Variants in SPPL2A observed in about 807,000 individuals in gnomAD.
SPPL2A encodes signal peptide peptidase like 2A, also known as signal peptide peptidase-like 2A.
SPPL2A carries 51 observed loss-of-function variants against 63.8 expected under a neutral mutation model. That is an observed-to-expected ratio of 0.80 (90% CI 0.64 to 1.01). The LOEUF is 1.01. SPPL2A is among the 50% of genes least tolerant of loss of function. The probability of loss-of-function intolerance (pLI) is 0.00; values close to 1 mark genes in which losing one functional copy is unlikely to be tolerated. For synonymous variants in SPPL2A, 188 were observed against 205.8 expected, an observed-to-expected ratio of 0.91 and a Z score of 0.74; for missense variants, 553 against 622.7, an observed-to-expected ratio of 0.89 and a Z score of 1.19.
At chr15:50,714,574 T>C (rs962743415) in intron 14 of SPPL2A, among the ~76,000 whole-genome samples, 1 of 146,480 alleles carries the variant, frequency 6.8e-6, no homozygotes, top group East Asian at 2.0e-4. Flanking sequence ...GAGGTTGCAA[T>C]GAGCAAAGAT....
intron 14 of SPPL2A, among the ~76,000 whole-genome samples, chr15:50,717,348 C>CT (rs2062606193): frequency 6.6e-6 from 1 of 151,812 alleles, no homozygotes; most frequent in African/African-American, 2.4e-5. Context: ...CAAATTTTTT[C>CT]TTTTTTGTAG....
intron 14 of SPPL2A, among the ~76,000 whole-genome samples, chr15:50,712,683 T>C (rs1408411828): frequency 8.1e-6 from 1 of 123,294 alleles, no homozygotes; most frequent in African/African-American, 2.9e-5. Context: ...CCCCCCCTTT[T>C]TTTTTTTTTT....
In SPPL2A at chr15:50,702,414, A is replaced by G. The variant is rs1596370165; in HGVS notation, c.*5386T>C. On this transcript the variant is annotated 3_prime_UTR_variant, in exon 15 of 15. Transcript: ENST00000261854. The stretch of plus-strand genomic sequence containing the variant: ...ATTTTAAAACATTCCATAAAAATAT[A>G]AAGCCTAGTAGTGTTATAAAAGTAT... 6.6e-6 allele frequency: 1 copy of G among 152,358 alleles called. No individual in the cohort carries two copies. The highest frequency in any genetic ancestry group is 2.1e-4 in the South Asian group (1 of 4,830). 9.4% of individuals were successfully genotyped at this position (152,358 alleles called of 1,614,324 possible). A position where few individuals can be genotyped will look rare whatever the true frequency, so the allele number is the denominator to read the frequency against.
rs1316925886 is a variant in SPPL2A, at chr15:50,702,867, A to C, written c.*4933T>G. 1 of 151,842 alleles carries C rather than the reference A, an allele frequency of 6.6e-6. No individual in the cohort carries two copies. Among genetic ancestry groups the C allele is most frequent in the Admixed American group, 6.6e-5 (1 of 15,246 alleles). The allele number at this position is 151,842 out of a possible 1,614,324, so 9.4% of individuals were successfully genotyped here. A position where few individuals can be genotyped will look rare whatever the true frequency, so the allele number is the denominator to read the frequency against. On this transcript the variant is annotated 3_prime_UTR_variant, in exon 15 of 15. Coordinates refer to ENST00000261854, the MANE Select transcript of SPPL2A (RefSeq NM_032802.4). Reference sequence around the variant, plus strand: ...TTAAACGAGGACATTTATACTTATGATCTTCACTATAATATGGCCTATATA... The same window carrying C: ...TTAAACGAGGACATTTATACTTATGCTCTTCACTATAATATGGCCTATATA...
chr15:50,728,589 G>A (rs62018803), intron 10 of SPPL2A, among the ~76,000 whole-genome samples: 5,217 of 150,978 alleles, frequency 0.035, 114 homozygotes, highest in Middle Eastern at 0.1. Context: ...CTCGTGATCC[G>A]CCCACCTTGG....
rs545768968 is a variant in SPPL2A, at chr15:50,706,944, C to T, written c.*856G>A. The T allele has an allele frequency of 6.6e-6, 1 of 152,118 alleles. No individual in the cohort carries two copies. The highest frequency in any genetic ancestry group is 1.5e-5 in the Non-Finnish European group (1 of 68,006). The allele number at this position is 152,118 out of a possible 1,614,324, so 9.4% of individuals were successfully genotyped here. A position where few individuals can be genotyped will look rare whatever the true frequency, so the allele number is the denominator to read the frequency against. On this transcript the variant is annotated 3_prime_UTR_variant, in exon 15 of 15. Transcript: ENST00000261854. ...ATACACGTGCAGTCTGAAGTAATTTCAGTTCTCAAGTTTATGAAAGGATTG... is the reference window on the plus strand; with the variant it reads ...ATACACGTGCAGTCTGAAGTAATTTTAGTTCTCAAGTTTATGAAAGGATTG...
chr15:50,760,604 G>A (rs554820909), intron 1 of SPPL2A, among the ~76,000 whole-genome samples: 2 of 151,968 alleles, frequency 1.3e-5, no homozygotes, highest in South Asian at 2.1e-4. Context: ...TGAGGGTCCC[G>A]TCTTCATGAG....
chr15:50,711,404 T>G (rs745618770), intron 14 of SPPL2A, among the ~76,000 whole-genome samples: 3 of 152,140 alleles, frequency 2.0e-5, no homozygotes, highest in Non-Finnish European at 4.4e-5. Flanking sequence ...AGAGATGGGA[T>G]TTCACTATGT....
intron 14 of SPPL2A, among the ~76,000 whole-genome samples, chr15:50,710,867 T>C (rs1045321322): frequency 6.6e-6 from 1 of 152,222 alleles, no homozygotes; most frequent in Non-Finnish European, 1.5e-5. Context: ...GAAAACTTAC[T>C]ACCTGCCCAG....
At chr15:50,760,510 C>T (rs1039003478) in intron 1 of SPPL2A, among the ~76,000 whole-genome samples, 2 of 152,164 alleles carry the variant, frequency 1.3e-5, no homozygotes, top group Non-Finnish European at 2.9e-5. Flanking sequence ...CTGCCTGCCT[C>T]AGCCTCCCAA....
intron 1 of SPPL2A, among the ~76,000 whole-genome samples, chr15:50,756,946 T>C (rs1436451135): frequency 6.6e-6 from 1 of 152,092 alleles, no homozygotes; most frequent in African/African-American, 2.4e-5. Context: ...TGCCCAACCA[T>C]CACACTCCAG....
intron 1 of SPPL2A, among the ~76,000 whole-genome samples, chr15:50,752,966 C>T (rs181658323): frequency 6.6e-6 from 1 of 152,120 alleles, no homozygotes; most frequent in Admixed American, 6.5e-5. Flanking sequence ...AATTGTAATA[C>T]ATAGAATCTT....
In SPPL2A at chr15:50,707,366, C is replaced by G. The variant is rs1260968094; in HGVS notation, c.*434G>C. 6.5e-6 allele frequency: 1 copy of G among 153,230 alleles called. No individual in the cohort carries two copies. The allele number at this position is 153,230 out of a possible 1,614,324, so 9.5% of individuals were successfully genotyped here. A position where few individuals can be genotyped will look rare whatever the true frequency, so the allele number is the denominator to read the frequency against. ...TCTCCTGACCTCGTGATCCGCCCGC[C>G]TTGGCCTCCCAAAGTGTTGGGATTA... On this transcript the variant is annotated 3_prime_UTR_variant, in exon 15 of 15. Coordinates refer to ENST00000261854, the MANE Select transcript of SPPL2A (RefSeq NM_032802.4).
intron 14 of SPPL2A, 39 bp from the exon 15 acceptor site, chr15:50,707,913 C>T (rs1231238096): frequency 3.8e-6 from 4 of 1,057,624 alleles, no homozygotes; most frequent in Non-Finnish European, 5.9e-6. Flanking sequence ...TGCAAAATTT[C>T]AACTTGCCCC....
intron 10 of SPPL2A, among the ~76,000 whole-genome samples, chr15:50,730,037 A>T (rs1470919410): frequency 6.6e-6 from 1 of 151,932 alleles, no homozygotes; most frequent in Non-Finnish European, 1.5e-5. Flanking sequence ...GAGAATATCA[A>T]ATACTTAAAT....
intron 9 of SPPL2A, among the ~76,000 whole-genome samples, chr15:50,731,915 G>A (rs1235550988): frequency 3.9e-5 from 3 of 76,160 alleles, no homozygotes; most frequent in Non-Finnish European, 7.3e-5. Context: ...GAGACTGAAT[G>A]AGACTCCATC....
In SPPL2A at chr15:50,759,660, G is replaced by A. The variant is rs766134488; in HGVS notation, c.66+5808C>T. 6.6e-5 allele frequency among the ~76,000 whole-genome samples: 10 copies of A among 151,914 alleles called. No homozygotes were observed. In the South Asian group the frequency reaches 1.5e-3, roughly 22 times the overall value. ...CGGGAGGCTGAGGCAGGAGAATGGC[G>A]TGAAGCCAGGAGGCAGAGGTTGCAG... is the stretch of plus-strand genomic sequence containing the variant. On this transcript the variant is annotated intron_variant, in intron 1 of 14. Transcript: ENST00000261854.
chr15:50,729,266 T>C (rs548883891), intron 10 of SPPL2A, among the ~76,000 whole-genome samples: 23 of 152,342 alleles, frequency 1.5e-4, no homozygotes, highest in African/African-American at 5.5e-4. Flanking sequence ...TTAACAAGTT[T>C]AGTTATAACC....
intron 14 of SPPL2A, among the ~76,000 whole-genome samples, chr15:50,714,406 T>C (rs1246354602): frequency 6.6e-6 from 1 of 151,922 alleles, no homozygotes; most frequent in African/African-American, 2.4e-5. Context: ...CCGAGGTTGG[T>C]GGATCATCGA....
Sources: gnomAD v4.1 joint callset for allele counts (sites outside exome capture counted in the v4.1 genomes callset) on GRCh38, gnomAD v4.1.1 for gene constraint, MANE v1.5 for transcripts, NCBI Gene and HGNC (gene_info 2026-07-23, HGNC 2026-07-21) for gene names.